BICRAL: variants seen among roughly 807,000 people sequenced by gnomAD.
BICRAL encodes BICRA like chromatin remodeling complex associated protein.
BICRAL carries 8 observed loss-of-function variants against 91.8 expected under a neutral mutation model. The observed-to-expected ratio is 0.09, with a 90% confidence interval of 0.05 to 0.16. The LOEUF (loss-of-function observed/expected upper bound fraction) is 0.16, where lower values mean the gene tolerates loss of function less well. Among genes scored for constraint, BICRAL ranks in the 10% least tolerant of loss-of-function variants. The pLI is 1.00. For synonymous variants in BICRAL, 445 were observed against 491.1 expected (o/e 0.91, Z 1.24); for missense variants, 1,038 against 1,310.9 (o/e 0.79, Z 3.21).
At chr6:42,835,469 A>G (rs573510737) in intron 6 of BICRAL, among the ~76,000 whole-genome samples, 14 of 152,018 alleles carry the variant, frequency 9.2e-5, no homozygotes, top group South Asian at 2.1e-4. Context: ...CAGCTCCACC[A>G]TGTTTATTTA....
At chr6:42,863,892 G>C (rs1244361901) in intron 12 of BICRAL, among the ~76,000 whole-genome samples, 1 of 152,080 alleles carries the variant, frequency 6.6e-6, no homozygotes, top group African/African-American at 2.4e-5. Context: ...GGCCAGGCGT[G>C]GTGGGTCACG....
At chr6:42,746,780 T>C (rs1318071393), upstream of BICRAL, among the ~76,000 whole-genome samples, 2 of 151,928 alleles carry the variant, frequency 1.3e-5, no homozygotes, top group East Asian at 3.9e-4. Flanking sequence ...CGCAGGCAGT[T>C]ACTAGGGCAG....
At position 42,862,516 on chromosome 6, in the gene BICRAL, A is replaced by G. The variant is rs373658559; in HGVS notation, c.2356A>G (p.Asn786Asp). 2 of 1,598,308 alleles carry G rather than the reference A, an allele frequency of 1.3e-6. No homozygotes were observed. The highest frequency in any genetic ancestry group is 1.7e-6 in the Non-Finnish European group (2 of 1,166,204). The change falls in exon 12 of 13, where the codon AAT (asparagine) becomes GAT (aspartate). Residue 786 changes from asparagine to aspartate, a missense_variant. Physicochemically the swap from Asn to Asp is conservative, Grantham distance 23. Coordinates refer to ENST00000314073, the MANE Select transcript of BICRAL (RefSeq NM_001393499.1). ...CLLLEDAMRI[N>D]PSAEMVMIDR... ...TGGCCTCTCTCTTTTTCAGCGAATCAATCCCTCTGCTGAGATGGTGATGAT... is the reference window on the plus strand; with the variant it reads ...TGGCCTCTCTCTTTTTCAGCGAATCGATCCCTCTGCTGAGATGGTGATGAT...
chr6:42,859,044 T>C (rs1037181962), intron 10 of BICRAL, among the ~76,000 whole-genome samples: 1 of 152,018 alleles, frequency 6.6e-6, no homozygotes. Flanking sequence ...GTGAGTCCAC[T>C]GTGGGCTTCC....
intron 2 of BICRAL, among the ~76,000 whole-genome samples, chr6:42,820,166 T>C (rs9394927): frequency 6.6e-6 from 1 of 152,160 alleles, no homozygotes; most frequent in East Asian, 1.9e-4. Context: ...GGGCACCTCA[T>C]CAAGTAGAGG....
In BICRAL at chr6:42,860,651, C is replaced by T. The variant is rs1209689609; in HGVS notation, c.2349+295C>T. On this transcript the variant is annotated intron_variant, in intron 11 of 12. Transcript: ENST00000314073. ...AGTTTGCAGAGTAATTAGCAGAGCT[C>T]GGATACGAGCCAGGATCATCTGACC... Among the ~76,000 whole-genome samples the T allele has an allele frequency of 2.0e-5, 3 of 152,148 alleles. No homozygotes were observed. In the East Asian group the frequency reaches 5.8e-4, roughly 29 times the overall value.
chr6:42,841,183 ATT>A (rs70990150), intron 6 of BICRAL, among the ~76,000 whole-genome samples: 841 of 80,536 alleles, frequency 0.01, 4 homozygotes, highest in Non-Finnish European at 0.013. Flanking sequence ...ACTCTTGAAT[ATT>A]TTTTTTTTTT....
rs1390808618 is a variant in BICRAL at position 42,864,612 on chromosome 6, GT to G, written c.2453-46del. The G allele has an allele frequency of 4.6e-6, 7 of 1,515,612 alleles. No individual in the cohort carries two copies. In the Admixed American group the frequency reaches 6.9e-5, roughly 15 times the overall value. 93.9% of individuals were successfully genotyped at this position (1,515,612 alleles called of 1,614,324 possible). A position where few individuals can be genotyped will look rare whatever the true frequency, so the allele number is the denominator to read the frequency against. On this transcript the variant is annotated intron_variant, in intron 12 of 12. Transcript: ENST00000314073. ...CCACTGAAGTTCTGCTGTATAGTCTGTCCTCTCCCAATCACTCACTAATGTT... is the reference window on the plus strand; with the variant it reads ...CCACTGAAGTTCTGCTGTATAGTCTGCCTCTCCCAATCACTCACTAATGTT...
At position 42,865,605 on chromosome 6, in the gene BICRAL, T is replaced by A. The variant is rs2114055834; in HGVS notation, c.*159T>A. 1.7e-6 allele frequency: 1 copy of A among 600,494 alleles called. No individual in the cohort carries two copies. The highest frequency in any genetic ancestry group is 2.1e-5 in the South Asian group (1 of 47,372). 37.2% of individuals were successfully genotyped at this position (600,494 alleles called of 1,614,324 possible). ...GTTATTCTTTCTAATCTCAATCCTG[T>A]TCTTTGTTTAAGAGCAATACTTGTC... On this transcript the variant is annotated 3_prime_UTR_variant, in exon 13 of 13. Transcript: ENST00000314073.
At chr6:42,770,013 G>A (rs540778001) in intron 1 of BICRAL, among the ~76,000 whole-genome samples, 10 of 152,098 alleles carry the variant, frequency 6.6e-5, no homozygotes, top group South Asian at 4.2e-4. Context: ...GGAAAGCAGC[G>A]GCCTACGGAT....
chr6:42,824,182 G>C (rs959540611), intron 5 of BICRAL, among the ~76,000 whole-genome samples: 7 of 151,746 alleles, frequency 4.6e-5, no homozygotes, highest in African/African-American at 7.3e-5. Flanking sequence ...AGTGAGCCAA[G>C]ATCGCACCAT....
At chr6:42,786,541 A>G (rs1763108291) in intron 1 of BICRAL, among the ~76,000 whole-genome samples, 1 of 152,376 alleles carries the variant, frequency 6.6e-6, no homozygotes. Context: ...TGGAATTTTA[A>G]GACCGGCAAG....
chr6:42,836,165 A>G (rs1482942240), intron 6 of BICRAL, among the ~76,000 whole-genome samples: 1 of 152,210 alleles, frequency 6.6e-6, no homozygotes, highest in Non-Finnish European at 1.5e-5. Context: ...ACTTAATGAT[A>G]GAACTTGAGG....
At chr6:42,840,916 A>G (rs1366891975) in intron 6 of BICRAL, among the ~76,000 whole-genome samples, 1 of 151,336 alleles carries the variant, frequency 6.6e-6, no homozygotes, top group Non-Finnish European at 1.5e-5. Flanking sequence ...TCTACTAAAA[A>G]TACAAAAATT....
chr6:42,855,663 A>C (rs1175464944), intron 8 of BICRAL, among the ~76,000 whole-genome samples, 193 bp from the exon 9 acceptor site: 2 of 152,002 alleles, frequency 1.3e-5, no homozygotes, highest in African/African-American at 4.8e-5. Context: ...TGTAATCTTA[A>C]CACAGTACAA....
upstream of BICRAL, among the ~76,000 whole-genome samples, chr6:42,777,127 GA>G (rs1762818005): frequency 6.6e-6 from 1 of 152,200 alleles, no homozygotes; most frequent in African/African-American, 2.4e-5. Context: ...TGAATCATAG[GA>G]GACTGCCATT....
chr6:42,845,193 G>GTGTTTTTTTTT (rs1562490917), intron 6 of BICRAL, among the ~76,000 whole-genome samples: 2 of 34,132 alleles, frequency 5.9e-5, no homozygotes, highest in African/African-American at 9.5e-5. Context: ...TGTTTTTTGG[G>GTGTTTTTTTTT]TGTTTTTTTT....
intron 5 of BICRAL, among the ~76,000 whole-genome samples, chr6:42,825,666 T>C (rs1387245208): frequency 6.6e-6 from 1 of 152,012 alleles, no homozygotes; most frequent in Non-Finnish European, 1.5e-5. Context: ...GAGGCTGCAG[T>C]GAGCCAAGAT....
At chr6:42,858,771 C>T (rs568760364) in intron 10 of BICRAL, among the ~76,000 whole-genome samples, 4 of 151,904 alleles carry the variant, frequency 2.6e-5, no homozygotes, top group South Asian at 4.2e-4. Flanking sequence ...GAGCCGAGAT[C>T]GTGCCATTGC....
Sources: gnomAD v4.1 joint callset for allele counts (sites outside exome capture counted in the v4.1 genomes callset) on GRCh38, gnomAD v4.1.1 for gene constraint, MANE v1.5 for transcripts, NCBI Gene and HGNC (gene_info 2026-07-23, HGNC 2026-07-21) for gene names.